The following MEIOB variants were observed in gnomAD, a reference collection of about 807,000 sequenced individuals.
MEIOB encodes meiosis-specific with OB domain-containing protein.
A neutral mutation model predicts 53.1 loss-of-function variants in MEIOB; 50 were observed. The ratio of observed to expected loss-of-function variants is 0.94; its 90% CI spans 0.75 to 1.19. The LOEUF is 1.19. MEIOB is among the 50% of genes most tolerant of loss of function. The pLI, the probability that MEIOB is intolerant of heterozygous loss-of-function variation, is 0.00. For synonymous variants in MEIOB, 192 were observed against 182.5 expected, an observed-to-expected ratio of 1.05 and a Z score of -0.42; for missense variants, 551 against 550.8, an observed-to-expected ratio of 1.00 and a Z score of 0.00.
chr16:1,854,241 A>G (rs1899242217), intron 6 of MEIOB, 41 bp from the exon 7 acceptor site: 1 of 1,132,082 alleles, frequency 8.8e-7, no homozygotes, highest in African/African-American at 1.6e-5. Flanking sequence ...ACCTATATGT[A>G]GAAGTTCTTA....
rs1222342603 is a variant in MEIOB at position 1,864,484 on chromosome 16, TTTC to T, written c.127+1291_127+1293del. Among the ~76,000 whole-genome samples, 51 of 140,834 alleles carry T rather than the reference TTTC, an allele frequency of 3.6e-4. 3 individuals are homozygous for T. Among genetic ancestry groups the T allele is most frequent in the Admixed American group, 6.3e-4 (9 of 14,212 alleles). 92.4% of individuals were successfully genotyped at this position (140,834 alleles called of 152,430 possible). A position where few individuals can be genotyped will look rare whatever the true frequency, so the allele number is the denominator to read the frequency against. Reference sequence around the variant, plus strand: ...TGAAAAACTGTGAATTTCTTTTTCTTTTCTTTTTTTTTTTTTTTTTTGAGACAG... The same window carrying T: ...TGAAAAACTGTGAATTTCTTTTTCTTTTTTTTTTTTTTTTTTTTGAGACAG... On this transcript the variant is annotated intron_variant, in intron 3 of 13. Transcript: ENST00000325962.
rs58146237 is a variant in MEIOB at position 1,861,816 on chromosome 16, T to C, written c.259+169A>G. 3.4e-3 allele frequency among the ~76,000 whole-genome samples: 520 copies of C among 152,314 alleles called. 3 individuals carry two copies. The highest frequency in any genetic ancestry group is 0.011 in the African/African-American group (469 of 41,580). Reference sequence around the variant, plus strand: ...TCCCAAAGTGTTGGGATTACAGGCATGAGCCACCGTGCCCCACTGCATTAT... The same window carrying C: ...TCCCAAAGTGTTGGGATTACAGGCACGAGCCACCGTGCCCCACTGCATTAT... On this transcript the variant is annotated intron_variant, in intron 4 of 13. Coordinates refer to ENST00000325962, the MANE Select transcript of MEIOB (RefSeq NM_001163560.3).
chr16:1,856,225 G>A (rs189576559), intron 6 of MEIOB, among the ~76,000 whole-genome samples: 6 of 149,386 alleles, frequency 4.0e-5, no homozygotes, highest in Admixed American at 1.3e-4. Context: ...GTACGATCTC[G>A]GCTCACTGCA....
intron 1 of MEIOB, among the ~76,000 whole-genome samples, chr16:1,871,002 G>T (rs2437749): frequency 0.023 from 3,433 of 152,098 alleles, 123 homozygotes; most frequent in East Asian, 0.1. Context: ...ATCTCTTGGT[G>T]GGACATGGTA....
intron 4 of MEIOB, among the ~76,000 whole-genome samples, chr16:1,861,525 G>A (rs971248915): frequency 1.4e-5 from 2 of 148,136 alleles, no homozygotes; most frequent in Non-Finnish European, 3.0e-5. Flanking sequence ...TGAATGCCTC[G>A]CATTGCAGTC....
intron 2 of MEIOB, among the ~76,000 whole-genome samples, chr16:1,867,461 AATTTTTTT>A (rs1567282643): frequency 4.1e-5 from 5 of 123,064 alleles, no homozygotes; most frequent in African/African-American, 1.3e-4. Flanking sequence ...AAAATGGTTT[AATTTTTTT>A]TTTTTTTTTT....
chr16:1,838,026 TCA>T, intron 12 of MEIOB, 156 bp from the exon 13 acceptor site: 1 of 1,375,978 alleles, frequency 7.3e-7, no homozygotes, highest in East Asian at 2.5e-5. Flanking sequence ...AGACAGGGTC[TCA>T]CTCTGTCGCC....
At position 1,860,334 on chromosome 16, in the gene MEIOB, TG is replaced by T. The variant is rs1454580204; in HGVS notation, c.332+68del. On this transcript the variant is annotated intron_variant, in intron 5 of 13. Coordinates refer to ENST00000325962, the MANE Select transcript of MEIOB (RefSeq NM_001163560.3). ...AACAGAACACTTTTAGTAAGATCTC[TG>T]CTAATCTGATACAACATTATTAGTA... 8.2e-6 allele frequency: 7 copies of T among 857,676 alleles called. No homozygotes were observed. In the African/African-American group the frequency reaches 1.2e-4, roughly 15 times the overall value. 53.1% of individuals were successfully genotyped at this position (857,676 alleles called of 1,614,324 possible). A position where few individuals can be genotyped will look rare whatever the true frequency, so the allele number is the denominator to read the frequency against.
At position 1,837,854 on chromosome 16, in the gene MEIOB, G is replaced by A; in HGVS notation, c.1235C>T (p.Ala412Val). ...TLGCTVHEFL[A>V]MTDEQKTALK... ...TGCTGTTTTCTGTTCATCTGTCATT[G>A]CAAGAAACTCATGTACCTGGTTAAA... The change falls in exon 13 of 14, where the codon GCA (alanine) becomes GTA (valine). Residue 412 changes from alanine (A) to valine (V), a missense_variant. Physicochemically the swap from Ala to Val is moderately conservative, Grantham distance 64. Transcript: ENST00000325962. The A allele has an allele frequency of 6.5e-7, 1 of 1,529,772 alleles. No individual in the cohort carries two copies. Among genetic ancestry groups the A allele is most frequent in the Non-Finnish European group, 8.8e-7 (1 of 1,137,738 alleles). 94.8% of individuals were successfully genotyped at this position (1,529,772 alleles called of 1,614,324 possible).
intron 9 of MEIOB, among the ~76,000 whole-genome samples, chr16:1,846,675 C>T (rs1899034132): frequency 6.6e-6 from 1 of 152,060 alleles, no homozygotes; most frequent in Admixed American, 6.6e-5. Flanking sequence ...CTGAAAGCCG[C>T]CATTCTCAGC....
intron 6 of MEIOB, among the ~76,000 whole-genome samples, chr16:1,855,636 G>C (rs562822943): frequency 6.6e-6 from 1 of 152,148 alleles, no homozygotes. Flanking sequence ...CATTATAAAC[G>C]TAATAGCACT....
intron 3 of MEIOB, among the ~76,000 whole-genome samples, chr16:1,862,556 G>C (rs542259737): frequency 6.6e-6 from 1 of 152,152 alleles, no homozygotes; most frequent in African/African-American, 2.4e-5. Context: ...AAAGTTCAAG[G>C]CTTCAGCGAA....
chr16:1,855,938 T>A lies in MEIOB; in HGVS notation c.529-1738A>T, dbSNP rs578050450. ...AAGCATGTGTGTTTTTTCCTTTTTT[T>A]TTTTTTTTGTCTCTTGACTATCATC... On this transcript the variant is annotated intron_variant, in intron 6 of 13. Coordinates refer to ENST00000325962, the MANE Select transcript of MEIOB (RefSeq NM_001163560.3). 2.8e-4 allele frequency among the ~76,000 whole-genome samples: 42 copies of A among 152,000 alleles called. No individual in the cohort carries two copies. In the South Asian group the frequency reaches 6.9e-3, roughly 25 times the overall value.
At chr16:1,851,607 C>G (rs977965059) in intron 9 of MEIOB, among the ~76,000 whole-genome samples, 2 of 152,098 alleles carry the variant, frequency 1.3e-5, no homozygotes, top group Non-Finnish European at 2.9e-5. Context: ...ACATCTCCTC[C>G]CATGGTGCTG....
At chr16:1,852,242 T>C (rs527601090) in intron 9 of MEIOB, among the ~76,000 whole-genome samples, 46 of 149,602 alleles carry the variant, frequency 3.1e-4, no homozygotes, top group African/African-American at 1.1e-3. Flanking sequence ...TTAAAATTAA[T>C]CTGGTTTTTC....
intron 13 of MEIOB, among the ~76,000 whole-genome samples, chr16:1,834,912 G>A (rs1169435002): frequency 6.6e-6 from 1 of 150,982 alleles, no homozygotes; most frequent in Non-Finnish European, 1.5e-5. Flanking sequence ...TCCAGCTTGG[G>A]CAACTAGAGC....
intron 6 of MEIOB, among the ~76,000 whole-genome samples, chr16:1,856,322 A>ATT (rs35565179): frequency 3.4e-5 from 5 of 147,270 alleles, no homozygotes; most frequent in African/African-American, 1.3e-4. Context: ...TGCCCAGCTA[A>ATT]TTTTTTTTTT....
chr16:1,848,548 T>TTC (rs1351937920), intron 9 of MEIOB, among the ~76,000 whole-genome samples: 2 of 147,310 alleles, frequency 1.4e-5, no homozygotes, highest in Non-Finnish European at 3.0e-5. Flanking sequence ...TTTTTCCTTT[T>TTC]TTTTTTTTTT....
At chr16:1,860,764 A>C (rs2150821536) in intron 4 of MEIOB, among the ~76,000 whole-genome samples, 1 of 152,326 alleles carries the variant, frequency 6.6e-6, no homozygotes, top group East Asian at 1.9e-4. Flanking sequence ...TTCATAGTCC[A>C]TATGTTCAAT....
Sources: gnomAD v4.1 joint callset for allele counts (sites outside exome capture counted in the v4.1 genomes callset) on GRCh38, gnomAD v4.1.1 for gene constraint, MANE v1.5 for transcripts, NCBI Gene and HGNC (gene_info 2026-07-23, HGNC 2026-07-21) for gene names.